The following SAMSN1 variants were observed in gnomAD, a reference collection of about 807,000 sequenced individuals.
SAMSN1 encodes the protein SAM domain-containing protein SAMSN-1.
Under a neutral mutation model 42.0 loss-of-function variants are expected in SAMSN1, and 31 were observed. The ratio of observed to expected loss-of-function variants is 0.74; its 90% CI spans 0.55 to 1.00. SAMSN1 has a LOEUF of 1.00. SAMSN1 is among the 50% of genes least tolerant of loss of function. SAMSN1 has a pLI of 0.00. For synonymous variants in SAMSN1, 178 were observed against 151.9 expected (o/e 1.17, Z -1.26); for missense variants, 464 against 439.4 (o/e 1.06, Z -0.50).
In SAMSN1 at chr21:14,638,751, C is replaced by T. The variant is rs116035997; in HGVS notation, c.156+4251G>A. On this transcript the variant is annotated intron_variant, in intron 2 of 15. Coordinates refer to the SAMSN1 transcript ENST00000647101. ...CACAGTTGAATTTGGCAAATTTATA[C>T]GGAACATTATTCACCTTGTTCTACA... 3.5e-3 allele frequency among the ~76,000 whole-genome samples: 536 copies of T among 152,162 alleles called. 4 individuals carry two copies. The highest frequency in any genetic ancestry group is 0.012 in the African/African-American group (507 of 41,510).
rs747386381 is a variant in SAMSN1, at chr21:14,500,620, T to A, written c.677A>T (p.Glu226Val). The change falls in exon 6 of 8, where the codon GAA becomes GTA. Residue 226 changes from glutamate to valine, a missense_variant. By Grantham distance (121) the Glu-to-Val change is moderately radical. Transcript: ENST00000400566. ...FIYVDVISEEEAAPKKIKANR... is the reference protein window; with the variant it reads ...FIYVDVISEEVAAPKKIKANR... ...TGCCTTTATTTTCTTGGGGGCTGCT[T>A]CCTCTTCTGAGATGACATCCACATA... The A allele has an allele frequency of 6.2e-7, 1 of 1,614,038 alleles. No homozygotes were observed. Among genetic ancestry groups the A allele is most frequent in the Non-Finnish European group, 8.5e-7 (1 of 1,180,012 alleles).
At chr21:14,546,471 G>T, upstream of SAMSN1, 2 of 659,940 alleles carry the variant, frequency 3.0e-6, no homozygotes, top group East Asian at 3.4e-5. Flanking sequence ...TTATTGTCTT[G>T]CTATTTTCTA....
At chr21:14,518,303 G>A (rs1220948401) in intron 2 of SAMSN1, among the ~76,000 whole-genome samples, 1 of 152,124 alleles carries the variant, frequency 6.6e-6, no homozygotes, top group Non-Finnish European at 1.5e-5. Context: ...TTTGATTATT[G>A]TCTGCGTCTC....
chr21:14,515,271 C>T (rs1987861025), intron 3 of SAMSN1, among the ~76,000 whole-genome samples: 7 of 152,030 alleles, frequency 4.6e-5, no homozygotes, highest in Admixed American at 4.6e-4. Flanking sequence ...GGACATAAGA[C>T]ATAAAAATCA....
chr21:14,489,720 TGAA>T (rs1333734738), intron 7 of SAMSN1, among the ~76,000 whole-genome samples: 1 of 152,140 alleles, frequency 6.6e-6, no homozygotes, highest in African/African-American at 2.4e-5. Context: ...TATTTTATCA[TGAA>T]GAGCTAATTT....
At chr21:14,544,263 CTGGG>C (rs1980239797) in intron 1 of SAMSN1, among the ~76,000 whole-genome samples, 1 of 152,162 alleles carries the variant, frequency 6.6e-6, no homozygotes, top group South Asian at 2.1e-4. Flanking sequence ...ATTGCCCAGA[CTGGG>C]CTGGAACTCC....
At chr21:14,628,495 GCAAT>G (rs1264627665) in intron 2 of SAMSN1, among the ~76,000 whole-genome samples, 1 of 151,894 alleles carries the variant, frequency 6.6e-6, no homozygotes, top group East Asian at 1.9e-4. Context: ...TGTATCTAAG[GCAAT>G]CAGAGAGATG....
At chr21:14,525,989 C>G (rs900346175) in intron 1 of SAMSN1, among the ~76,000 whole-genome samples, 2 of 152,220 alleles carry the variant, frequency 1.3e-5, no homozygotes, top group East Asian at 1.9e-4. Flanking sequence ...CTCAGCCCCC[C>G]CGAGTAGCTG....
chr21:14,597,301 T>A (rs1982298370), intron 6 of SAMSN1, among the ~76,000 whole-genome samples: 2 of 152,104 alleles, frequency 1.3e-5, no homozygotes, highest in African/African-American at 4.8e-5. Flanking sequence ...GAAAAATTGG[T>A]CCCATTTTGT....
chr21:14,561,200 A>G lies in SAMSN1; in HGVS notation c.261+20936T>C, dbSNP rs563693709. Among the ~76,000 whole-genome samples, 41 of 152,054 alleles carry G rather than the reference A, an allele frequency of 2.7e-4. No homozygotes were observed. In the Middle Eastern group the frequency reaches 0.01, roughly 38 times the overall value. ...CAACTGGTCATGTGGCCTCATCCAG[A>G]GGCAGACTCAGTGCCCGAGGACCAT... On this transcript the variant is annotated intron_variant, in intron 2 of 8. Transcript: ENST00000285670.
At chr21:14,556,575 A>G (rs561100218) in intron 2 of SAMSN1, among the ~76,000 whole-genome samples, 2 of 152,322 alleles carry the variant, frequency 1.3e-5, no homozygotes, top group South Asian at 4.1e-4. Flanking sequence ...CATAAAGGGT[A>G]ATAAAAGAGC....
chr21:14,644,215 C>A (rs1237654827), intron 1 of SAMSN1, among the ~76,000 whole-genome samples: 1 of 152,086 alleles, frequency 6.6e-6, no homozygotes, highest in Non-Finnish European at 1.5e-5. Context: ...CAGGCATCAC[C>A]CTGCCCCTAA....
intron 2 of SAMSN1, among the ~76,000 whole-genome samples, chr21:14,579,235 A>AG (rs1451308785): frequency 6.6e-6 from 1 of 152,210 alleles, no homozygotes; most frequent in Admixed American, 6.5e-5. Context: ...AAGTCCACTG[A>AG]GGCTTTTCTG....
intron 4 of SAMSN1, among the ~76,000 whole-genome samples, chr21:14,610,065 C>A (rs1400540200): frequency 6.6e-6 from 1 of 152,124 alleles, no homozygotes; most frequent in Non-Finnish European, 1.5e-5. Context: ...CAAATCTGGG[C>A]ACCTTAAGAA....
At chr21:14,565,305 A>G (rs186912697) in intron 2 of SAMSN1, among the ~76,000 whole-genome samples, 1 of 147,222 alleles carries the variant, frequency 6.8e-6, no homozygotes, top group African/African-American at 2.5e-5. Flanking sequence ...AAAAAAAAAC[A>G]TGTTTTGGTT....
chr21:14,650,589 C>T (rs1049088047), intron 1 of SAMSN1, among the ~76,000 whole-genome samples: 1 of 151,830 alleles, frequency 6.6e-6, no homozygotes, highest in African/African-American at 2.4e-5. Flanking sequence ...AGATGAATAA[C>T]TGCAAATGAA....
upstream of SAMSN1, among the ~76,000 whole-genome samples, chr21:14,587,721 T>G (rs536957546): frequency 1.4e-4 from 22 of 151,948 alleles, no homozygotes; most frequent in East Asian, 4.1e-3. Flanking sequence ...TTAAAACAAT[T>G]TTTTTGTTGT....
chr21:14,543,960 GAC>G (rs1980214710), intron 1 of SAMSN1, among the ~76,000 whole-genome samples: 1 of 152,126 alleles, frequency 6.6e-6, no homozygotes, highest in African/African-American at 2.4e-5. Flanking sequence ...ACCCTTTCTA[GAC>G]ACAATTTCTC....
intron 2 of SAMSN1, among the ~76,000 whole-genome samples, chr21:14,577,286 T>A (rs867638545): frequency 0.012 from 837 of 72,770 alleles, 21 homozygotes; most frequent in East Asian, 0.016. Context: ...ATATATATAT[T>A]TTTTTTTTAG....
Sources: gnomAD v4.1 joint callset for allele counts (sites outside exome capture counted in the v4.1 genomes callset) on GRCh38, gnomAD v4.1.1 for gene constraint, MANE v1.5 for transcripts, NCBI Gene and HGNC (gene_info 2026-07-23, HGNC 2026-07-21) for gene names.